The following ENOX1 variants were observed in gnomAD, a reference collection of about 807,000 sequenced individuals.
ENOX1 encodes the protein ecto-NOX disulfide-thiol exchanger 1.
A neutral mutation model predicts 82.5 loss-of-function variants in ENOX1; 42 were observed. The observed-to-expected ratio is 0.51, with a 90% CI of 0.40 to 0.66. The LOEUF (loss-of-function observed/expected upper bound fraction) is 0.66. Among genes scored for constraint, ENOX1 ranks in the 30% least tolerant of loss-of-function variants. The pLI, the probability that ENOX1 is intolerant of heterozygous loss-of-function variation, is 0.00. For missense variants in ENOX1, 608 were observed against 811.6 expected (o/e 0.75, Z 3.05); for synonymous variants, 271 against 282.2 (o/e 0.96, Z 0.40).
chr13:43,327,229 A>G (rs1184940542), intron 9 of ENOX1, among the ~76,000 whole-genome samples: 3 of 152,072 alleles, frequency 2.0e-5, no homozygotes, highest in African/African-American at 7.2e-5. Context: ...TCTTATTTCA[A>G]CCACCATATG....
chr13:43,248,382 A>T (rs983954588), intron 14 of ENOX1, among the ~76,000 whole-genome samples: 6 of 151,978 alleles, frequency 3.9e-5, no homozygotes, highest in African/African-American at 1.5e-4. Context: ...AGTGAAAAAA[A>T]CTATGCAATC....
At chr13:43,434,052 C>T (rs2055849403) in intron 3 of ENOX1, among the ~76,000 whole-genome samples, 2 of 152,224 alleles carry the variant, frequency 1.3e-5, no homozygotes, top group Admixed American at 6.5e-5. Context: ...GTTGCTAACA[C>T]TGGCAGTAGG....
intron 1 of ENOX1, among the ~76,000 whole-genome samples, chr13:43,779,408 A>G (rs866115471): frequency 6.6e-6 from 1 of 152,130 alleles, no homozygotes; most frequent in African/African-American, 2.4e-5. Context: ...CTCTCATGTC[A>G]CTGGCTGAGG....
chr13:43,260,924 A>AT (rs1236982041), intron 14 of ENOX1, among the ~76,000 whole-genome samples: 2 of 152,212 alleles, frequency 1.3e-5, no homozygotes, highest in African/African-American at 4.8e-5. Context: ...TCGTTAATAT[A>AT]TCCAGTTCCA....
intron 1 of ENOX1, among the ~76,000 whole-genome samples, chr13:43,774,342 A>G (rs1951802271): frequency 6.6e-6 from 1 of 152,220 alleles, no homozygotes. Flanking sequence ...CTACCAGAAA[A>G]TAAGGGCTCT....
chr13:43,301,586 A>AG (rs1329552442), intron 11 of ENOX1, among the ~76,000 whole-genome samples: 2 of 151,604 alleles, frequency 1.3e-5, no homozygotes, highest in Non-Finnish European at 2.9e-5. Flanking sequence ...CCCCACCAAA[A>AG]AAAAAAAAAA....
intron 2 of ENOX1, among the ~76,000 whole-genome samples, chr13:43,605,003 C>T (rs2081913823): frequency 6.6e-6 from 1 of 151,934 alleles, no homozygotes; most frequent in Non-Finnish European, 1.5e-5. Flanking sequence ...GAAAGTAATC[C>T]CATTTACAAC....
At chr13:43,236,875 AAT>A in intron 14 of ENOX1, 137 bp from the exon 15 acceptor site, 1 of 450,216 alleles carries the variant, frequency 2.2e-6, no homozygotes, top group Non-Finnish European at 3.8e-6. Flanking sequence ...TCTTTTATAC[AAT>A]TGATCTATTT....
At chr13:43,247,487 G>C (rs1384258829) in intron 14 of ENOX1, among the ~76,000 whole-genome samples, 1 of 152,024 alleles carries the variant, frequency 6.6e-6, no homozygotes, top group Non-Finnish European at 1.5e-5. Context: ...GGAAGCGTCA[G>C]GAGATTTTTC....
At chr13:43,476,874 C>T (rs2058305568) in intron 3 of ENOX1, among the ~76,000 whole-genome samples, 1 of 152,022 alleles carries the variant, frequency 6.6e-6, no homozygotes, top group African/African-American at 2.4e-5. Flanking sequence ...ACAGTCACCT[C>T]ATATATCCAC....
At chr13:43,313,466 G>C (rs1227770252) in intron 11 of ENOX1, among the ~76,000 whole-genome samples, 1 of 152,070 alleles carries the variant, frequency 6.6e-6, no homozygotes, top group Non-Finnish European at 1.5e-5. Context: ...AAAATGTCTA[G>C]GGAGTATTCC....
At chr13:43,450,344 G>A (rs1415230003) in intron 3 of ENOX1, among the ~76,000 whole-genome samples, 1 of 152,184 alleles carries the variant, frequency 6.6e-6, no homozygotes, top group Non-Finnish European at 1.5e-5. Flanking sequence ...AGTTTACAAA[G>A]GCAGCTTTTT....
chr13:43,730,742 C>G (rs2089291640), intron 1 of ENOX1, among the ~76,000 whole-genome samples: 1 of 152,180 alleles, frequency 6.6e-6, no homozygotes, highest in Non-Finnish European at 1.5e-5. Flanking sequence ...TCATGACGCA[C>G]ACTCTGTGTG....
chr13:43,767,219 G>C (rs1231976448), intron 1 of ENOX1, among the ~76,000 whole-genome samples: 1 of 152,182 alleles, frequency 6.6e-6, no homozygotes, highest in East Asian at 1.9e-4. Context: ...AAGATTTTCA[G>C]TATAAAGAGA....
At chr13:43,679,008 T>C (rs9525824) in intron 1 of ENOX1, among the ~76,000 whole-genome samples, 13,372 of 152,126 alleles carry the variant, frequency 0.088, 930 homozygotes, top group African/African-American at 0.19. Context: ...ATTTTGATAA[T>C]TTTAGAAAAA....
intron 2 of ENOX1, among the ~76,000 whole-genome samples, chr13:43,646,687 T>C (rs974989448): frequency 1.2e-4 from 18 of 152,138 alleles, no homozygotes; most frequent in South Asian, 6.2e-4. Context: ...TCACAGAGGA[T>C]ATGGGAAGAT....
intron 2 of ENOX1, among the ~76,000 whole-genome samples, chr13:43,603,069 T>C (rs1025914583): frequency 3.3e-5 from 5 of 152,126 alleles, no homozygotes; most frequent in African/African-American, 1.2e-4. Context: ...TTGAATATTA[T>C]AATGAAGATG....
At chr13:43,322,346 A>G in intron 11 of ENOX1, 38 bp downstream of exon 11, 1 of 1,511,280 alleles carries the variant, frequency 6.6e-7, no homozygotes, top group Non-Finnish European at 9.2e-7. Flanking sequence ...GAAGATCATT[A>G]TGATACCTCA....
At chr13:43,216,517 C>CT (rs2041495041) in intron 16 of ENOX1, among the ~76,000 whole-genome samples, 1 of 152,114 alleles carries the variant, frequency 6.6e-6, no homozygotes, top group African/African-American at 2.4e-5. Context: ...CAGGAGGCAG[C>CT]TTTTTTTAAG....
Sources: allele counts gnomAD v4.1 joint callset (sites outside exome capture counted in the v4.1 genomes callset), GRCh38; gene constraint gnomAD v4.1.1; transcripts MANE v1.5; gene names NCBI Gene and HGNC (gene_info 2026-07-23, HGNC 2026-07-21).